The following DAB2IP variants were observed in gnomAD, a reference collection of about 807,000 sequenced individuals.
DAB2IP encodes the protein DAB2 interacting protein.
In DAB2IP, 28 loss-of-function variants were observed where a neutral mutation model predicts 107.2. The observed-to-expected ratio is 0.26, with a 90% CI of 0.19 to 0.36. DAB2IP has a LOEUF of 0.36. DAB2IP is among the 10% of genes least tolerant of loss of function. The pLI is 1.00. For missense variants in DAB2IP, 1,400 were observed against 1,644.7 expected (o/e 0.85, Z 2.57); for synonymous variants, 755 against 706.4 (o/e 1.07, Z -1.09).
chr9:121,717,863 G>A (rs1830695066), intron 3 of DAB2IP, among the ~76,000 whole-genome samples: 1 of 152,216 alleles, frequency 6.6e-6, no homozygotes, highest in South Asian at 2.1e-4. Flanking sequence ...CCTGCAAGCT[G>A]AGCCTGGGTT....
At chr9:121,606,121 C>T (rs1278986708) in intron 1 of DAB2IP, among the ~76,000 whole-genome samples, 1 of 152,098 alleles carries the variant, frequency 6.6e-6, no homozygotes, top group African/African-American at 2.4e-5. Flanking sequence ...GGCGGGGGAT[C>T]ACCTGAGGTC....
chr9:121,583,144 T>C (rs1830238232), intron 1 of DAB2IP, among the ~76,000 whole-genome samples: 2 of 152,218 alleles, frequency 1.3e-5, no homozygotes, highest in Non-Finnish European at 2.9e-5. Context: ...CCCAACACTT[T>C]GGGAGGCCAA....
chr9:121,772,571 C>A lies in DAB2IP; in HGVS notation c.2079-36C>A, dbSNP rs1834840766. 1.3e-6 allele frequency: 2 copies of A among 1,578,008 alleles called. No individual in the cohort carries two copies. The highest frequency in any genetic ancestry group is 2.4e-5 in the South Asian group (2 of 84,706). On this transcript the variant is annotated intron_variant, in intron 11 of 15. Coordinates refer to ENST00000408936, the Ensembl canonical transcript of DAB2IP. The surrounding 1 kb of genome is among the most constrained non-coding windows in gnomAD (Gnocchi z 4.7). ...TGGCTGCACTCACAGTTCTTCTTTT[C>A]CCCTTCTTTCCCTGTGTGTGCTTGT...
chr9:121,691,619 T>C (rs1311277318), intron 2 of DAB2IP, among the ~76,000 whole-genome samples: 1 of 152,086 alleles, frequency 6.6e-6, no homozygotes, highest in African/African-American at 2.4e-5. Flanking sequence ...GTTTCTTCCA[T>C]GCGTGATCTC....
chr9:121,625,584 C>G (rs1343219799), intron 1 of DAB2IP, among the ~76,000 whole-genome samples: 1 of 151,854 alleles, frequency 6.6e-6, no homozygotes. Flanking sequence ...TTGAATCTCC[C>G]TTTGGCAGTG....
At chr9:121,780,567 AAGG>A (rs951719783) in intron 14 of DAB2IP, among the ~76,000 whole-genome samples, 3 of 152,150 alleles carry the variant, frequency 2.0e-5, no homozygotes, top group African/African-American at 7.2e-5. Context: ...TGTGTGGAGC[AAGG>A]AGAAGGGAGG....
At chr9:121,762,959 T>G (rs1833999414) in intron 6 of DAB2IP, among the ~76,000 whole-genome samples, 1 of 152,174 alleles carries the variant, frequency 6.6e-6, no homozygotes, top group African/African-American at 2.4e-5. Flanking sequence ...TGCACATCAC[T>G]TCCTGCTCTC....
intron 1 of DAB2IP, among the ~76,000 whole-genome samples, chr9:121,606,732 G>A: frequency 6.6e-6 from 1 of 151,918 alleles, no homozygotes. Context: ...AGTGGGGGGT[G>A]AGGGAGGTGG....
At chr9:121,652,269 C>T (rs964264387) in intron 1 of DAB2IP, among the ~76,000 whole-genome samples, 3 of 152,164 alleles carry the variant, frequency 2.0e-5, no homozygotes, top group African/African-American at 7.2e-5. Context: ...GCCCAGGCCG[C>T]GGACTTCTTT....
At chr9:121,644,491 A>G (rs7468120) in intron 1 of DAB2IP, among the ~76,000 whole-genome samples, 119,534 of 151,992 alleles carry the variant, frequency 0.79, 47,313 homozygotes, top group East Asian at 0.91. Flanking sequence ...CAGTTACTCA[A>G]GAGGCTGAGG....
intron 3 of DAB2IP, among the ~76,000 whole-genome samples, chr9:121,706,253 AC>A (rs1302168937): frequency 6.6e-6 from 1 of 152,168 alleles, no homozygotes; most frequent in Non-Finnish European, 1.5e-5. Flanking sequence ...GTGGGGCTGC[AC>A]CAACCTCAGA....
In DAB2IP at chr9:121,699,194, G is replaced by GCCGAGC. The variant is rs1427184134; in HGVS notation, c.229-121_229-116dup. ...GCGGCGCGGGCCGCGAGCTGCTGGG[G>GCCGAGC]CCGAGCCCGAGCCCGGCCCGCCCTC... On this transcript the variant is annotated intron_variant, in intron 2 of 15. Transcript: ENST00000408936. The surrounding 1 kb of genome is among the most constrained non-coding windows in gnomAD (Gnocchi z 6.2). 8.6e-5 allele frequency: 83 copies of GCCGAGC among 967,454 alleles called. No homozygotes were observed. The highest frequency in any genetic ancestry group is 2.4e-4 in the South Asian group (5 of 21,230). 59.9% of individuals were successfully genotyped at this position (967,454 alleles called of 1,614,324 possible). A position where few individuals can be genotyped will look rare whatever the true frequency, so the allele number is the denominator to read the frequency against.
At position 121,684,086 on chromosome 9, in the gene DAB2IP, C is replaced by T. The variant is rs529306756; in HGVS notation, c.228+5305C>T. ...TTTTCCAGCTGCTCACCCCTTTTCTCACTCCTGTAGCCTCCCTGCACCCTC... is the reference window on the plus strand; with the variant it reads ...TTTTCCAGCTGCTCACCCCTTTTCTTACTCCTGTAGCCTCCCTGCACCCTC... On this transcript the variant is annotated intron_variant, in intron 2 of 15. Coordinates refer to ENST00000408936, the Ensembl canonical transcript of DAB2IP. The surrounding 1 kb of genome is among the most constrained non-coding windows in gnomAD (Gnocchi z 4.0). 3.9e-5 allele frequency among the ~76,000 whole-genome samples: 6 copies of T among 152,144 alleles called. No homozygotes were observed. The highest frequency in any genetic ancestry group is 7.4e-5 in the Non-Finnish European group (5 of 68,024).
intron 3 of DAB2IP, among the ~76,000 whole-genome samples, chr9:121,745,035 C>T (rs1417426625): frequency 6.6e-6 from 1 of 152,190 alleles, no homozygotes; most frequent in Non-Finnish European, 1.5e-5. Context: ...CAGTTGGAAT[C>T]CTGTGGGCCA....
chr9:121,600,615 G>A (rs1830659333), intron 1 of DAB2IP, among the ~76,000 whole-genome samples: 1 of 152,152 alleles, frequency 6.6e-6, no homozygotes, highest in South Asian at 2.1e-4. Context: ...TCACCAATAA[G>A]GACCAATCTT....
intron 1 of DAB2IP, among the ~76,000 whole-genome samples, chr9:121,581,665 C>T (rs1351418042): frequency 6.6e-6 from 1 of 152,216 alleles, no homozygotes; most frequent in African/African-American, 2.4e-5. Flanking sequence ...CCACTGTGTG[C>T]ATCCCTGCTC....
chr9:121,764,016 T>A, intron 8 of DAB2IP, 137 bp downstream of exon 8: 1 of 1,256,410 alleles, frequency 8.0e-7, no homozygotes, highest in Non-Finnish European at 1.1e-6. Flanking sequence ...TAGTCCCTTT[T>A]GAGCTCTCAG....
At chr9:121,740,872 T>G (rs1352065080) in intron 3 of DAB2IP, among the ~76,000 whole-genome samples, 1 of 152,212 alleles carries the variant, frequency 6.6e-6, no homozygotes, top group Non-Finnish European at 1.5e-5. Context: ...ATGAGGAAAC[T>G]GAGACTCAGG....
At chr9:121,571,177 C>A (rs1335310951) in intron 1 of DAB2IP, among the ~76,000 whole-genome samples, 1 of 152,072 alleles carries the variant, frequency 6.6e-6, no homozygotes, top group Non-Finnish European at 1.5e-5. Flanking sequence ...CCATGTTCCC[C>A]CAATGCATCA....
Sources: gnomAD v4.1 joint callset for allele counts (sites outside exome capture counted in the v4.1 genomes callset) on GRCh38, gnomAD v4.1.1 for gene constraint, Gnocchi (gnomAD v3.1) non-coding constraint, MANE v1.5 for transcripts, NCBI Gene and HGNC (gene_info 2026-07-23, HGNC 2026-07-21) for gene names.